Variants in JCAD observed in about 807,000 individuals in gnomAD.
The protein encoded by JCAD is junctional cadherin 5 associated.
Under a neutral mutation model 98.0 loss-of-function variants are expected in JCAD, and 40 were observed. The ratio of observed to expected loss-of-function variants is 0.41; its 90% CI spans 0.32 to 0.53. JCAD has a LOEUF of 0.53. Ranked by LOEUF, JCAD falls within the 20% of genes least tolerant of loss-of-function variation. The pLI, the probability that JCAD is intolerant of heterozygous loss-of-function variation, is 0.31. For synonymous variants in JCAD, 691 were observed against 682.3 expected (o/e 1.01, Z -0.20); for missense variants, 1,705 against 1,738.1 (o/e 0.98, Z 0.34).
In JCAD at chr10:30,027,178, C is replaced by A. The variant is rs746533643; in HGVS notation, c.2970G>T (p.Ala990=). Residue 990 remains alanine (A), a synonymous_variant, in exon 3 of 4, where the codon GCG becomes GCT. Transcript: ENST00000375377. ...GCTCCCTAGGTTCAGCTGGATAGGA[C>A]GCGGGCAGTGGTTTTGCGTCACTTG... ...SRSSDAKPLP[A]SYPAEPREPQ... 1.2e-6 allele frequency: 2 copies of A among 1,614,150 alleles called. No individual in the cohort carries two copies. The highest frequency in any genetic ancestry group is 1.1e-5 in the South Asian group (1 of 91,082).
intron 1 of JCAD, among the ~76,000 whole-genome samples, chr10:30,091,722 T>C (rs1257603014): frequency 7.0e-6 from 1 of 142,122 alleles, no homozygotes; most frequent in Admixed American, 7.1e-5. Context: ...AAATTTTTTT[T>C]TTTTTTTTTT....
chr10:30,085,237 G>A (rs551339524), intron 1 of JCAD, among the ~76,000 whole-genome samples: 17 of 151,956 alleles, frequency 1.1e-4, no homozygotes, highest in African/African-American at 4.1e-4. Flanking sequence ...CTTCAAATTG[G>A]GACATCAGGG....
rs555861593 is a variant in JCAD, at chr10:30,052,309, T to C, written c.-59-4438A>G. On this transcript the variant is annotated intron_variant, in intron 1 of 3. Coordinates refer to ENST00000375377, the MANE Select transcript of JCAD (RefSeq NM_020848.4). ...GAGAACCCTTTGGGTCTCAGTCTTC[T>C]CCTGAAGGAGTAAAATGAGAAGGCT... is the stretch of plus-strand genomic sequence containing the variant. Among the ~76,000 whole-genome samples the C allele has an allele frequency of 1.1e-4, 16 of 152,318 alleles. No homozygotes were observed. In the South Asian group the frequency reaches 2.7e-3, roughly 26 times the overall value.
At chr10:30,077,307 C>T (rs377624699) in intron 1 of JCAD, among the ~76,000 whole-genome samples, 3 of 152,284 alleles carry the variant, frequency 2.0e-5, no homozygotes, top group East Asian at 1.9e-4. Context: ...GATGGAGTCT[C>T]GTGCTGTTGC....
chr10:30,041,161 C>A (rs1287915330), intron 2 of JCAD, among the ~76,000 whole-genome samples: 2 of 151,984 alleles, frequency 1.3e-5, no homozygotes, highest in East Asian at 1.9e-4. Flanking sequence ...GGAGACAGGA[C>A]CAGCTTCCAG....
At chr10:30,078,394 G>A (rs10826758) in intron 1 of JCAD, among the ~76,000 whole-genome samples, 10,076 of 152,152 alleles carry the variant, frequency 0.066, 551 homozygotes, top group East Asian at 0.32. Flanking sequence ...AGGATGAAGG[G>A]TTTCTTTCTT....
chr10:30,023,566 C>T (rs149919866), intron 3 of JCAD, among the ~76,000 whole-genome samples: 20 of 152,282 alleles, frequency 1.3e-4, no homozygotes, highest in African/African-American at 1.7e-4. Context: ...TCTCAGAGTG[C>T]AGCCCCATTA....
chr10:30,038,213 C>T (rs1837161063), intron 2 of JCAD, among the ~76,000 whole-genome samples: 1 of 152,168 alleles, frequency 6.6e-6, no homozygotes, highest in South Asian at 2.1e-4. Flanking sequence ...TTGTTGCTTC[C>T]TTTTCATAAA....
At chr10:30,091,714 A>ATTTTTTTTTTTTT (rs11307523) in intron 1 of JCAD, among the ~76,000 whole-genome samples, 1 of 81,752 alleles carries the variant, frequency 1.2e-5, no homozygotes. Flanking sequence ...AAGTTTTTAA[A>ATTTTTTTTTTTTT]TTTTTTTTTT....
chr10:30,031,794 G>A (rs1205201190), intron 2 of JCAD, among the ~76,000 whole-genome samples: 8 of 114,066 alleles, frequency 7.0e-5, no homozygotes, highest in African/African-American at 2.5e-4. Context: ...TTGCTCTGTC[G>A]CCCAGGCTGG....
At chr10:30,104,174 G>T (rs1194544434) in intron 1 of JCAD, among the ~76,000 whole-genome samples, 5 of 152,230 alleles carry the variant, frequency 3.3e-5, no homozygotes, top group Non-Finnish European at 7.3e-5. Flanking sequence ...TGGAGCGTAA[G>T]TCCTGAGAGG....
At chr10:30,068,870 C>T (rs909744281) in intron 2 of JCAD, among the ~76,000 whole-genome samples, 1 of 152,228 alleles carries the variant, frequency 6.6e-6, no homozygotes, top group African/African-American at 2.4e-5. Context: ...GGCTCTTTCC[C>T]TTGTCTCTCC....
intron 1 of JCAD, 41 bp from the exon 2 acceptor site, chr10:30,047,912 C>T: frequency 6.7e-6 from 9 of 1,333,830 alleles, no homozygotes; most frequent in Non-Finnish European, 9.2e-6. Context: ...CTAGGTCTCC[C>T]TAGAGGTCAG....
intron 3 of JCAD, among the ~76,000 whole-genome samples, chr10:30,025,377 G>A (rs1836766612): frequency 6.6e-6 from 1 of 151,698 alleles, no homozygotes; most frequent in African/African-American, 2.4e-5. Flanking sequence ...AATAAACTGG[G>A]CCTGGTGACA....
chr10:30,037,677 G>A (rs1014328301), intron 2 of JCAD, among the ~76,000 whole-genome samples: 1 of 152,074 alleles, frequency 6.6e-6, no homozygotes, highest in Non-Finnish European at 1.5e-5. Context: ...GGGTCTGGAA[G>A]AGGAAGCATA....
intron 1 of JCAD, among the ~76,000 whole-genome samples, chr10:30,086,954 A>C (rs781034361): frequency 2.8e-4 from 42 of 152,226 alleles, no homozygotes; most frequent in Non-Finnish European, 5.1e-4. Flanking sequence ...AGTGGGATAA[A>C]TATAGTAAAC....
intron 1 of JCAD, among the ~76,000 whole-genome samples, chr10:30,110,042 A>G (rs563304546): frequency 1.3e-4 from 19 of 151,838 alleles, no homozygotes; most frequent in Admixed American, 1.0e-3. Flanking sequence ...CTCCTGATAT[A>G]TGACCCCCCA....
intron 1 of JCAD, among the ~76,000 whole-genome samples, chr10:30,096,588 G>A (rs1043648839): frequency 6.6e-6 from 1 of 150,872 alleles, no homozygotes; most frequent in African/African-American, 2.4e-5. Context: ...TCAGAACATA[G>A]GATAACTAGC....
intron 1 of JCAD, among the ~76,000 whole-genome samples, chr10:30,050,905 C>T (rs997606177): frequency 6.6e-6 from 1 of 152,218 alleles, no homozygotes; most frequent in African/African-American, 2.4e-5. Context: ...GGCACACTTT[C>T]ATTCATTCTA....
Sources: gnomAD v4.1 joint callset for allele counts (sites outside exome capture counted in the v4.1 genomes callset) on GRCh38, gnomAD v4.1.1 for gene constraint, MANE v1.5 for transcripts, NCBI Gene and HGNC (gene_info 2026-07-23, HGNC 2026-07-21) for gene names.